Variants in RASGRP1 observed in about 807,000 individuals in gnomAD.
RASGRP1 encodes RAS guanyl-releasing protein 1.
In RASGRP1, 37 loss-of-function variants were observed where a neutral mutation model predicts 95.1. The observed-to-expected ratio is 0.39, with a 90% confidence interval of 0.30 to 0.51. The LOEUF is 0.51. RASGRP1 is among the 20% of genes least tolerant of loss of function. RASGRP1 has a pLI of 0.80. For synonymous variants in RASGRP1, 325 were observed against 353.4 expected (o/e 0.92, Z 0.90); for missense variants, 711 against 965.4 (o/e 0.74, Z 3.49).
intron 2 of RASGRP1, among the ~76,000 whole-genome samples, chr15:38,542,356 C>G (rs542314481): frequency 1.3e-5 from 2 of 152,106 alleles, no homozygotes; most frequent in Admixed American, 1.3e-4. Flanking sequence ...AAACAACAAA[C>G]AAAAAACCAC....
chr15:38,531,194 A>G (rs1892421444), intron 2 of RASGRP1, among the ~76,000 whole-genome samples: 1 of 152,234 alleles, frequency 6.6e-6, no homozygotes, highest in Non-Finnish European at 1.5e-5. Flanking sequence ...TGAGGAAATC[A>G]AAGCATAGAG....
chr15:38,507,641 T>C, intron 9 of RASGRP1, 85 bp downstream of exon 9: 1 of 1,417,674 alleles, frequency 7.1e-7, no homozygotes, highest in Non-Finnish European at 9.5e-7. Context: ...TTATGAGGAC[T>C]AACAGCTAAT....
chr15:38,508,432 A>G (rs951145820), intron 8 of RASGRP1, among the ~76,000 whole-genome samples: 4 of 152,196 alleles, frequency 2.6e-5, no homozygotes, highest in Non-Finnish European at 5.9e-5. Context: ...ATTGATTAAC[A>G]GTTGAAATGT....
intron 2 of RASGRP1, among the ~76,000 whole-genome samples, chr15:38,559,157 C>T (rs1021714401): frequency 1.4e-4 from 21 of 152,294 alleles, no homozygotes; most frequent in African/African-American, 4.6e-4. Context: ...CAAAAATACA[C>T]CACGCTTATA....
At chr15:38,542,835 G>GTA (rs769461736) in intron 2 of RASGRP1, among the ~76,000 whole-genome samples, 1,118 of 107,168 alleles carry the variant, frequency 0.01, 15 homozygotes, top group African/African-American at 0.028. Flanking sequence ...ATATATATGT[G>GTA]TATATATATA....
At chr15:38,522,468 T>A (rs552546142) in intron 3 of RASGRP1, among the ~76,000 whole-genome samples, 37 of 152,322 alleles carry the variant, frequency 2.4e-4, no homozygotes, top group Middle Eastern at 3.4e-3. Context: ...TGTGAGTTTT[T>A]CAATGCAGAT....
chr15:38,513,899 G>A lies in RASGRP1; in HGVS notation c.676-943C>T, dbSNP rs116269334. ...TCAGCCAGCAGAATGTTGAGTGGAAGCGATGTAACTTTGGAGGCAAAGATG... is the reference window on the plus strand; with the variant it reads ...TCAGCCAGCAGAATGTTGAGTGGAAACGATGTAACTTTGGAGGCAAAGATG... On this transcript the variant is annotated intron_variant, in intron 6 of 16. Transcript: ENST00000310803. Among the ~76,000 whole-genome samples the A allele has an allele frequency of 4.9e-3, 742 of 152,290 alleles. 6 individuals are homozygous for A. The highest frequency in any genetic ancestry group is 0.017 in the African/African-American group (716 of 41,550).
intron 2 of RASGRP1, among the ~76,000 whole-genome samples, chr15:38,547,421 C>A (rs1474481439): frequency 1.3e-5 from 2 of 152,176 alleles, no homozygotes; most frequent in African/African-American, 4.8e-5. Context: ...TACATCAATG[C>A]TCCAGTTCCT....
At chr15:38,495,929 T>C (rs1746496590) in intron 15 of RASGRP1, among the ~76,000 whole-genome samples, 1 of 152,140 alleles carries the variant, frequency 6.6e-6, no homozygotes, top group Non-Finnish European at 1.5e-5. Flanking sequence ...TTCCTAGACA[T>C]ACAGGGAGCT....
intron 2 of RASGRP1, among the ~76,000 whole-genome samples, chr15:38,559,469 G>T (rs1253367717): frequency 6.6e-6 from 1 of 152,198 alleles, no homozygotes; most frequent in Non-Finnish European, 1.5e-5. Flanking sequence ...GTTTGCTCAT[G>T]TAACAGTCTT....
rs76707070 is a variant in RASGRP1, at chr15:38,506,634, C to A, written c.1243-714G>T. ...TAGGTCATAGAGCCAGACCTTGTCT[C>A]CAAAAAAAAAAAAAAAAAAAAAAAT... is the stretch of plus-strand genomic sequence containing the variant. On this transcript the variant is annotated intron_variant, in intron 9 of 16. Transcript: ENST00000310803. 0.016 allele frequency among the ~76,000 whole-genome samples: 1,272 copies of A among 77,796 alleles called. 73 individuals are homozygous for A. In the East Asian group the frequency reaches 0.3, roughly 18 times the overall value. 51.0% of individuals were successfully genotyped at this position (77,796 alleles called of 152,430 possible). A position where few individuals can be genotyped will look rare whatever the true frequency, so the allele number is the denominator to read the frequency against.
intron 2 of RASGRP1, among the ~76,000 whole-genome samples, chr15:38,553,968 G>A (rs1290366950): frequency 1.3e-5 from 2 of 152,130 alleles, no homozygotes; most frequent in Admixed American, 1.3e-4. Context: ...AATGATCTGG[G>A]ATGTTCAGGA....
At chr15:38,561,404 T>C (rs1893805644) in intron 1 of RASGRP1, among the ~76,000 whole-genome samples, 2 of 152,242 alleles carry the variant, frequency 1.3e-5, no homozygotes, top group African/African-American at 4.8e-5. Flanking sequence ...TAAATAAGTG[T>C]TCTATGAGTG....
intron 2 of RASGRP1, among the ~76,000 whole-genome samples, chr15:38,551,637 G>T (rs985812991): frequency 6.6e-6 from 1 of 151,640 alleles, no homozygotes; most frequent in Non-Finnish European, 1.5e-5. Context: ...ATAGAAATGG[G>T]CAAATTTAAA....
In RASGRP1 at chr15:38,518,323, A is replaced by T. The variant is rs75646785; in HGVS notation, c.490T>A (p.Leu164Ile). The change falls in exon 5 of 17, where the codon TTA becomes ATA. Residue 164 changes from leucine to isoleucine, a missense_variant. Physicochemically the swap from Leu to Ile is conservative, Grantham distance 5. Transcript: ENST00000310803. ...GTTGTGTCAATCAGGCGGCAATGTA[A>T]CTCCTCACCCTTAGCTTTCACCAGT... is the stretch of plus-strand genomic sequence containing the variant. ...QELVKAKGEELHCRLIDTTQI... is the reference protein window; with the variant it reads ...QELVKAKGEEIHCRLIDTTQI... 2.2e-3 allele frequency: 3,473 copies of T among 1,610,256 alleles called. 71 individuals carry two copies. The African/African-American group carries it at 0.038, about 18-fold the overall frequency.
At chr15:38,501,476 G>A (rs768154386) in intron 12 of RASGRP1, 189 bp from the exon 13 acceptor site, 21 of 766,656 alleles carry the variant, frequency 2.7e-5, no homozygotes, top group Non-Finnish European at 4.2e-5. Context: ...TGGTAAGTAG[G>A]TAAGGCAGCA....
intron 13 of RASGRP1, among the ~76,000 whole-genome samples, chr15:38,500,654 CA>C (rs199968547): frequency 0.011 from 1,701 of 152,242 alleles, 20 homozygotes; most frequent in Non-Finnish European, 0.019. Flanking sequence ...CTCTCACTAG[CA>C]GCCTTATGAC....
At chr15:38,561,386 A>C (rs866383003) in intron 1 of RASGRP1, among the ~76,000 whole-genome samples, 23 of 152,378 alleles carry the variant, frequency 1.5e-4, no homozygotes, top group African/African-American at 5.5e-4. Context: ...AGAAAGCTAC[A>C]TAAATGTTAA....
At chr15:38,502,848 T>A (rs1644474283) in intron 11 of RASGRP1, 1 of 229,556 alleles carries the variant, frequency 4.4e-6, no homozygotes, top group African/African-American at 2.3e-5. Flanking sequence ...TTTTCCATTG[T>A]TACATGTGAG....
Sources: gnomAD v4.1 joint callset for allele counts (sites outside exome capture counted in the v4.1 genomes callset) on GRCh38, gnomAD v4.1.1 for gene constraint, MANE v1.5 for transcripts, NCBI Gene and HGNC (gene_info 2026-07-23, HGNC 2026-07-21) for gene names.